FBXL2: variants seen among roughly 807,000 people sequenced by gnomAD.
FBXL2 encodes F-box/LRR-repeat protein 2.
FBXL2 carries 38 observed loss-of-function variants against 69.2 expected under a neutral mutation model. The ratio of observed to expected loss-of-function variants is 0.55; its 90% CI spans 0.42 to 0.72. The LOEUF is 0.72. Ranked by LOEUF, FBXL2 falls within the 30% of genes least tolerant of loss-of-function variation. The probability of loss-of-function intolerance (pLI) is 0.00; values close to 1 mark genes in which losing one functional copy is unlikely to be tolerated. For synonymous variants in FBXL2, 192 were observed against 201.3 expected, an observed-to-expected ratio of 0.95 and a Z score of 0.39; for missense variants, 354 against 520.3, an observed-to-expected ratio of 0.68 and a Z score of 3.11.
chr3:33,315,323 ACTTT>A (rs1182034336), intron 2 of FBXL2, among the ~76,000 whole-genome samples: 4 of 92,154 alleles, frequency 4.3e-5, no homozygotes, highest in South Asian at 3.2e-4. Context: ...TCTCTCTCTT[ACTTT>A]CTTTCTTTCT....
rs6786099 is a variant in FBXL2 at position 33,366,436 on chromosome 3, G to A, written c.290+1717G>A. Among the ~76,000 whole-genome samples, 633 of 152,264 alleles carry A rather than the reference G, an allele frequency of 4.2e-3. 6 individuals carry two copies. The highest frequency in any genetic ancestry group is 0.015 in the African/African-American group (604 of 41,552). On this transcript the variant is annotated intron_variant, in intron 5 of 14. Transcript: ENST00000484457. ...AACCCCAGTGCTTTGGGAGGCCAAG[G>A]TGGGAGAATCACTTGAGCCCAGGAT...
intron 1 of FBXL2, among the ~76,000 whole-genome samples, chr3:33,285,960 A>G (rs759729952): frequency 2.5e-4 from 38 of 152,264 alleles, no homozygotes; most frequent in Middle Eastern, 3.4e-3. Context: ...CAAGGTTTTT[A>G]GCTTCTTTGC....
At chr3:33,395,311 C>G (rs60776541) in intron 12 of FBXL2, among the ~76,000 whole-genome samples, 1 of 152,082 alleles carries the variant, frequency 6.6e-6, no homozygotes, top group South Asian at 2.1e-4. Context: ...AACTGCATCT[C>G]TGAATGCCAT....
intron 5 of FBXL2, among the ~76,000 whole-genome samples, chr3:33,368,783 T>C (rs554074833): frequency 2.6e-5 from 4 of 152,284 alleles, no homozygotes; most frequent in African/African-American, 9.6e-5. Context: ...AGATGGGGTT[T>C]CACCATGTTA....
In FBXL2 at chr3:33,358,956, T is replaced by A; in HGVS notation, c.66-11T>A. 1 of 1,511,428 alleles carries A rather than the reference T, an allele frequency of 6.6e-7. No homozygotes were observed. The highest frequency in any genetic ancestry group is 1.4e-5 in the South Asian group (1 of 73,440). The allele number at this position is 1,511,428 out of a possible 1,614,324, so 93.6% of individuals were successfully genotyped here. A position where few individuals can be genotyped will look rare whatever the true frequency, so the allele number is the denominator to read the frequency against. On this transcript the variant is annotated splice_polypyrimidine_tract_variant and intron_variant, in intron 2 of 14. Transcript: ENST00000484457. ...CCATCTCGTTTTTGTGTTTTTTTCC[T>A]CTCTCTGTAGAATATTTTCCTTCTT...
intron 2 of FBXL2, among the ~76,000 whole-genome samples, chr3:33,345,115 A>C (rs887426483): frequency 6.6e-6 from 1 of 152,196 alleles, no homozygotes; most frequent in Admixed American, 6.5e-5. Flanking sequence ...ATTGCCACAA[A>C]CTGGATGACT....
At chr3:33,398,162 T>C (rs2044081006) in intron 12 of FBXL2, 1 of 152,186 alleles carries the variant, frequency 6.6e-6, no homozygotes. Flanking sequence ...AGGATACAGT[T>C]TATTGGGGGA....
At chr3:33,338,083 C>A (rs1322755205) in intron 2 of FBXL2, among the ~76,000 whole-genome samples, 1 of 152,134 alleles carries the variant, frequency 6.6e-6, no homozygotes, top group Non-Finnish European at 1.5e-5. Context: ...AATGCTAATG[C>A]CTTTTTTTTC....
chr3:33,348,625 G>T (rs2040618753), intron 2 of FBXL2, among the ~76,000 whole-genome samples: 1 of 152,050 alleles, frequency 6.6e-6, no homozygotes, highest in African/African-American at 2.4e-5. Flanking sequence ...TAACAATATT[G>T]ATTCTTACTT....
At position 33,373,569 on chromosome 3, in the gene FBXL2, TTC is replaced by T; in HGVS notation, c.456-4_456-3del. On this transcript the variant is annotated splice_region_variant and splice_polypyrimidine_tract_variant and intron_variant, in intron 7 of 14. Coordinates refer to ENST00000484457, the MANE Select transcript of FBXL2 (RefSeq NM_012157.5). ...ACTGCACATAAGTTTTTGTTTCTTG[TTC>T]TCTCAGTGAGGGCTGCCGAAACCTG... 2 of 1,614,164 alleles carry T rather than the reference TTC, an allele frequency of 1.2e-6. No individual in the cohort carries two copies. The highest frequency in any genetic ancestry group is 1.7e-4 in the Middle Eastern group (1 of 6,056).
At chr3:33,336,346 A>C (rs1265231415) in intron 2 of FBXL2, among the ~76,000 whole-genome samples, 1 of 152,186 alleles carries the variant, frequency 6.6e-6, no homozygotes, top group African/African-American at 2.4e-5. Flanking sequence ...GGAAAGGATG[A>C]CCTTTCAGTA....
intron 12 of FBXL2, among the ~76,000 whole-genome samples, chr3:33,401,644 G>C (rs1219690978): frequency 4.6e-5 from 7 of 152,180 alleles, no homozygotes; most frequent in Admixed American, 2.6e-4. Flanking sequence ...CAATTGCTTA[G>C]GTTTATTATC....
At chr3:33,286,041 C>T (rs1346630154) in intron 1 of FBXL2, among the ~76,000 whole-genome samples, 1 of 152,196 alleles carries the variant, frequency 6.6e-6, no homozygotes, top group African/African-American at 2.4e-5. Context: ...CTTCTTCTCT[C>T]AAAGTCATTC....
At chr3:33,410,348 T>C in the FBXL2 span, among the ~76,000 whole-genome samples, 1 of 152,220 alleles carries the variant, frequency 6.6e-6, no homozygotes, top group Non-Finnish European at 1.5e-5. Context: ...CTCTGCAATA[T>C]GACAACACAA....
intron 2 of FBXL2, among the ~76,000 whole-genome samples, chr3:33,345,022 A>G (rs2125868782): frequency 6.6e-6 from 1 of 152,360 alleles, no homozygotes; most frequent in Non-Finnish European, 1.5e-5. Context: ...TAAGATAGAA[A>G]CAATGAAAGT....
At chr3:33,300,385 T>C (rs1453705384) in intron 2 of FBXL2, 1 of 152,204 alleles carries the variant, frequency 6.6e-6, no homozygotes, top group Non-Finnish European at 1.5e-5. Context: ...ATTCTGGAGG[T>C]TGTCATCACT....
intron 12 of FBXL2, among the ~76,000 whole-genome samples, chr3:33,378,478 A>G (rs925830982): frequency 6.6e-6 from 1 of 152,162 alleles, no homozygotes; most frequent in Non-Finnish European, 1.5e-5. Context: ...TCCTTGGGGT[A>G]CCAGAAGAGA....
At chr3:33,421,916 T>G in the FBXL2 span, among the ~76,000 whole-genome samples, 1 of 152,176 alleles carries the variant, frequency 6.6e-6, no homozygotes. Context: ...TGGTGGCATG[T>G]GCCCATAGTC....
chr3:33,335,234 A>T (rs892349362), intron 2 of FBXL2, among the ~76,000 whole-genome samples: 4 of 152,046 alleles, frequency 2.6e-5, no homozygotes, highest in Non-Finnish European at 4.4e-5. Context: ...AACTGAGAGG[A>T]TTCATCACTA....
Sources: allele counts gnomAD v4.1 joint callset (sites outside exome capture counted in the v4.1 genomes callset), GRCh38; gene constraint gnomAD v4.1.1; transcripts MANE v1.5; gene names NCBI Gene and HGNC (gene_info 2026-07-23, HGNC 2026-07-21).